The following PAXIP1 variants were observed in gnomAD, a reference collection of about 807,000 sequenced individuals.
The protein encoded by PAXIP1 is PAX-interacting protein 1.
A neutral mutation model predicts 140.6 loss-of-function variants in PAXIP1; 19 were observed. The ratio of observed to expected loss-of-function variants is 0.14; its 90% CI spans 0.09 to 0.20. PAXIP1 has a LOEUF of 0.20. PAXIP1 is among the 10% of genes least tolerant of loss of function. The pLI is 1.00. For missense variants in PAXIP1, 920 were observed against 1,208.6 expected, an observed-to-expected ratio of 0.76 and a Z score of 3.54; for synonymous variants, 442 against 444.6, an observed-to-expected ratio of 0.99 and a Z score of 0.07.
rs1807796683 is a variant in PAXIP1 at position 154,943,705 on chromosome 7, A to C, written c.*444T>G. On this transcript the variant is annotated 3_prime_UTR_variant, in exon 21 of 21. Transcript: ENST00000404141. ...TACTCAATTCTAAGTTCAAAAGTAC[A>C]TTTATTTAAAATGTGGGCAAGATAT... 1 of 158,012 alleles carries C rather than the reference A, an allele frequency of 6.3e-6. No individual in the cohort carries two copies. The highest frequency in any genetic ancestry group is 6.3e-5 in the Admixed American group (1 of 16,000). 9.8% of individuals were successfully genotyped at this position (158,012 alleles called of 1,614,324 possible).
chr7:154,983,494 T>C (rs1809936137), intron 4 of PAXIP1, 162 bp from the exon 5 acceptor site: 5 of 549,546 alleles, frequency 9.1e-6, no homozygotes, highest in Admixed American at 3.9e-5. Context: ...TATCTGCTTA[T>C]TATAACAAAA....
intron 16 of PAXIP1, chr7:154,948,812 G>A (rs1290973942): frequency 1.3e-5 from 2 of 151,468 alleles, no homozygotes; most frequent in African/African-American, 4.9e-5. Context: ...AGGACTTGTA[G>A]GACATTGGAG....
chr7:154,998,055 C>T (rs147833490), intron 2 of PAXIP1, among the ~76,000 whole-genome samples: 265 of 152,322 alleles, frequency 1.7e-3, no homozygotes, highest in Non-Finnish European at 6.6e-4. Context: ...GCAGTGGTAA[C>T]GTGGGACGAG....
At position 154,957,937 on chromosome 7, in the gene PAXIP1, G is replaced by A. The variant is rs555132389; in HGVS notation, c.2479-643C>T. On this transcript the variant is annotated intron_variant, in intron 13 of 20. Transcript: ENST00000404141. ...AGCCGAGATTGCGCCACTGCAGTCC[G>A]CAGTCTGGCCTGGGCGACAGAGCGA... is the stretch of plus-strand genomic sequence containing the variant. 5.0e-4 allele frequency among the ~76,000 whole-genome samples: 68 copies of A among 136,122 alleles called. No individual in the cohort carries two copies. The South Asian group carries it at 0.014, about 29-fold the overall frequency. 89.3% of individuals were successfully genotyped at this position (136,122 alleles called of 152,430 possible). A position where few individuals can be genotyped will look rare whatever the true frequency, so the allele number is the denominator to read the frequency against.
At position 154,973,169 on chromosome 7, in the gene PAXIP1, C is replaced by A. The variant is rs576075623; in HGVS notation, c.1074+2527G>T. ...AATCCCTGGCCTTGCAGCTCTTGGA[C>A]CTCCTCATCTTGGTGGCCTTCTCCC... is the stretch of plus-strand genomic sequence containing the variant. On this transcript the variant is annotated intron_variant, in intron 6 of 20. Coordinates refer to ENST00000404141, the MANE Select transcript of PAXIP1 (RefSeq NM_007349.4). The surrounding 1 kb of genome is among the most constrained non-coding windows in gnomAD (Gnocchi z 4.0). Among the ~76,000 whole-genome samples the A allele has an allele frequency of 3.6e-4, 55 of 152,316 alleles. No individual in the cohort carries two copies. Among genetic ancestry groups the A allele is most frequent in the African/African-American group, 1.2e-3 (50 of 41,578 alleles).
At chr7:155,001,562 A>AG (rs980948132) in intron 1 of PAXIP1, 1 of 149,062 alleles carries the variant, frequency 6.7e-6, no homozygotes, top group Non-Finnish European at 1.5e-5. Context: ...CAGTGGCGCG[A>AG]TCTCGGCTCA....
rs894576895 is a variant in PAXIP1, at chr7:154,986,523, C to T, written c.325-3191G>A. Reference sequence around the variant, plus strand: ...CATTGCTCCTGTCACAAAGGAAGTACCCATCAAGGATTTGTTGGACCAAAG... The same window carrying T: ...CATTGCTCCTGTCACAAAGGAAGTATCCATCAAGGATTTGTTGGACCAAAG... On this transcript the variant is annotated intron_variant, in intron 4 of 20. Coordinates refer to ENST00000404141, the MANE Select transcript of PAXIP1 (RefSeq NM_007349.4). This position sits in a 1 kb window ranked among gnomAD's most constrained non-coding sequence, Gnocchi z 4.8. 6.6e-6 allele frequency among the ~76,000 whole-genome samples: 1 copy of T among 152,160 alleles called. No homozygotes were observed. The highest frequency in any genetic ancestry group is 1.5e-5 in the Non-Finnish European group (1 of 68,032).
rs776595094 is a variant in PAXIP1, at chr7:154,975,875, C to T, written c.895G>A (p.Val299Ile). Residue 299 changes from valine to isoleucine, a missense_variant, in exon 6 of 21, where the codon GTC (valine) becomes ATC (isoleucine). Coordinates refer to ENST00000404141, the MANE Select transcript of PAXIP1 (RefSeq NM_007349.4). Reference sequence around the variant, plus strand: ...TCAGGGGGCAAAATGTTACCTGGGACGGGTGGGACATTGGCACACAAGTTA... The same window carrying T: ...TCAGGGGGCAAAATGTTACCTGGGATGGGTGGGACATTGGCACACAAGTTA... ...LINLCANVPP[V>I]PGNILPPEVR... The T allele has an allele frequency of 6.8e-6, 11 of 1,613,938 alleles. No homozygotes were observed. The highest frequency in any genetic ancestry group is 1.1e-5 in the South Asian group (1 of 91,064).
chr7:154,945,616 A>G (rs907622538), intron 20 of PAXIP1: 3 of 773,244 alleles, frequency 3.9e-6, no homozygotes, highest in Non-Finnish European at 4.6e-6. Flanking sequence ...ACCCTCACAG[A>G]GAGGAGGAGC....
At chr7:154,998,102 T>C (rs6951778) in intron 2 of PAXIP1, among the ~76,000 whole-genome samples, 12,823 of 152,230 alleles carry the variant, frequency 0.084, 1,182 homozygotes, top group African/African-American at 0.22. Context: ...TAGGATTACT[T>C]ACGACATACA....
intron 10 of PAXIP1, among the ~76,000 whole-genome samples, chr7:154,961,921 G>A (rs565446388): frequency 2.0e-5 from 3 of 152,282 alleles, no homozygotes; most frequent in African/African-American, 7.2e-5. Context: ...AATCCCAACA[G>A]TTATGTTATA....
rs1808434458 is a variant in PAXIP1 at position 154,954,804 on chromosome 7, T to C, written c.2653-381A>G. Among the ~76,000 whole-genome samples the C allele has an allele frequency of 6.6e-6, 1 of 152,222 alleles. No individual in the cohort carries two copies. Among genetic ancestry groups the C allele is most frequent in the Non-Finnish European group, 1.5e-5 (1 of 68,028 alleles). On this transcript the variant is annotated intron_variant, in intron 15 of 20. Coordinates refer to ENST00000404141, the MANE Select transcript of PAXIP1 (RefSeq NM_007349.4). This position sits in a 1 kb window ranked among gnomAD's most constrained non-coding sequence, Gnocchi z 5.1. ...GTTAATGAAGAACATTTACCTGCTA[T>C]CTTCATTTTTTGAAATGATAGCATA... is the stretch of plus-strand genomic sequence containing the variant.
At position 154,959,928 on chromosome 7, in the gene PAXIP1, A is replaced by T; in HGVS notation, c.2440T>A (p.Trp814Arg). The change falls in exon 13 of 21, where the codon TGG becomes AGG. Residue 814 changes from tryptophan (W) to arginine (R), a missense_variant. Around this residue, in one of 5 missense-constraint regions of PAXIP1, gnomAD observed 303 missense variants for 517.9 expected, o/e 0.59. Coordinates refer to ENST00000404141, the MANE Select transcript of PAXIP1 (RefSeq NM_007349.4). ...QHLVLNLLDA[W>R]RVPLKVSAEL... is the part of the protein sequence containing the mutation. ...GCAGACACTTTTAAGGGAACTCTCC[A>T]AGCATCTAAAGAGAGAAACACATTA... 6.3e-7 allele frequency: 1 copy of T among 1,598,026 alleles called. No homozygotes were observed.
rs1398500253 is a variant in PAXIP1, at chr7:154,991,050, C to G, written c.280G>C (p.Glu94Gln). 17 of 1,541,208 alleles carry G rather than the reference C, an allele frequency of 1.1e-5. No homozygotes were observed. The highest frequency in any genetic ancestry group is 1.4e-5 in the Non-Finnish European group (16 of 1,138,642). The stretch of plus-strand genomic sequence containing the variant: ...ATTCCAAAAAAAATCTGACATGATT[C>G]TGGAGAAAAACCATTTACTCTGTTT... ...TLLPVNGFSPESCQIFFGITA... is the reference protein window; with the variant it reads ...TLLPVNGFSPQSCQIFFGITA... Residue 94 changes from glutamate to glutamine, a missense_variant, in exon 4 of 21, where the codon GAA becomes CAA. Glu to Gln is a conservative substitution (Grantham distance 29, BLOSUM62 2). This residue lies in a region of PAXIP1 where 419 missense variants were observed against 514.7 expected (regional missense o/e 0.81). Transcript: ENST00000404141.
chr7:154,992,102 A>G (rs1039541141), intron 3 of PAXIP1, among the ~76,000 whole-genome samples: 4 of 152,180 alleles, frequency 2.6e-5, no homozygotes, highest in African/African-American at 9.7e-5. Flanking sequence ...ATATTAATAA[A>G]GGCAAATCTC....
chr7:154,954,472 G>T lies in PAXIP1; in HGVS notation c.2653-49C>A. ...GAAATGAAAAAGTTCAGCATCCACA[G>T]AGCCACACTGACACAGAGTAACACA... On this transcript the variant is annotated intron_variant, in intron 15 of 20. Coordinates refer to ENST00000404141, the MANE Select transcript of PAXIP1 (RefSeq NM_007349.4). This position sits in a 1 kb window ranked among gnomAD's most constrained non-coding sequence, Gnocchi z 5.1. The T allele has an allele frequency of 7.7e-7, 1 of 1,302,306 alleles. No individual in the cohort carries two copies. The highest frequency in any genetic ancestry group is 1.0e-6 in the Non-Finnish European group (1 of 969,866). 80.7% of individuals were successfully genotyped at this position (1,302,306 alleles called of 1,614,324 possible).
In PAXIP1 at chr7:154,973,019, C is replaced by T. The variant is rs555170400; in HGVS notation, c.1074+2677G>A. On this transcript the variant is annotated intron_variant, in intron 6 of 20. Transcript: ENST00000404141. This position sits in a 1 kb window ranked among gnomAD's most constrained non-coding sequence, Gnocchi z 4.0. Reference sequence around the variant, plus strand: ...TTTATCCCGCCCACCTGCCTGGACGCGGATGTGCAGGGACCAGGGCCGGCA... The same window carrying T: ...TTTATCCCGCCCACCTGCCTGGACGTGGATGTGCAGGGACCAGGGCCGGCA... 1.7e-3 allele frequency among the ~76,000 whole-genome samples: 258 copies of T among 152,346 alleles called. 1 individual carries two copies. The highest frequency in any genetic ancestry group is 5.8e-3 in the African/African-American group (241 of 41,588).
intron 16 of PAXIP1, chr7:154,950,592 A>C (rs1354394797): frequency 6.6e-6 from 1 of 152,230 alleles, no homozygotes; most frequent in Non-Finnish European, 1.5e-5. Context: ...AAAGCTAAAC[A>C]TACTCTTACC....
At chr7:154,989,831 CT>C (rs769014991) in intron 4 of PAXIP1, among the ~76,000 whole-genome samples, 1 of 152,098 alleles carries the variant, frequency 6.6e-6, no homozygotes, top group Non-Finnish European at 1.5e-5. Context: ...TTTCCCATGT[CT>C]TTACAAGTTT....
Sources: gnomAD v4.1 joint callset for allele counts (sites outside exome capture counted in the v4.1 genomes callset) on GRCh38, gnomAD v4.1.1 for gene constraint, gnomAD v4.1.1 regional missense constraint, Gnocchi (gnomAD v3.1) non-coding constraint, MANE v1.5 for transcripts, NCBI Gene and HGNC (gene_info 2026-07-23, HGNC 2026-07-21) for gene names.